USP12: variants seen among roughly 807,000 people sequenced by gnomAD.
USP12 encodes ubiquitin carboxyl-terminal hydrolase 12.
USP12 carries 19 observed loss-of-function variants against 45.5 expected under a neutral mutation model. The observed-to-expected ratio is 0.42, with a 90% CI of 0.29 to 0.61. The LOEUF is 0.61. Among genes scored for constraint, USP12 ranks in the 20% least tolerant of loss-of-function variants. USP12 has a pLI of 0.22. For synonymous variants in USP12, 149 were observed against 148.8 expected (o/e 1.00, Z -0.01); for missense variants, 242 against 447.7 (o/e 0.54, Z 4.15).
intron 1 of USP12, 32 bp downstream of exon 1, chr13:27,171,560 G>T: frequency 8.2e-7 from 1 of 1,223,228 alleles, no homozygotes; most frequent in Non-Finnish European, 1.1e-6. Flanking sequence ...AGAGGTCCCG[G>T]CAGCCCCGGC....
At chr13:27,080,870 A>G (rs1037296290) in intron 6 of USP12, among the ~76,000 whole-genome samples, 2 of 152,180 alleles carry the variant, frequency 1.3e-5, no homozygotes, top group Non-Finnish European at 2.9e-5. Context: ...TTAATTTAAA[A>G]ATAGTTTATT....
intron 4 of USP12, among the ~76,000 whole-genome samples, chr13:27,094,732 A>C (rs1874486561): frequency 6.6e-6 from 1 of 150,832 alleles, no homozygotes; most frequent in Non-Finnish European, 1.5e-5. Flanking sequence ...AAGGTGAGGG[A>C]GGCATATTCT....
chr13:27,120,318 G>T (rs60672263), intron 1 of USP12, among the ~76,000 whole-genome samples: 2,452 of 152,232 alleles, frequency 0.016, 27 homozygotes, highest in Middle Eastern at 0.034. Flanking sequence ...TGAAATCAGT[G>T]ATTCTTTACT....
intron 1 of USP12, among the ~76,000 whole-genome samples, chr13:27,122,467 A>C (rs1876038368): frequency 6.6e-6 from 1 of 151,396 alleles, no homozygotes; most frequent in Non-Finnish European, 1.5e-5. Context: ...GTGGAAACGG[A>C]CTAATACACC....
chr13:27,079,981 A>T (rs1873673839), intron 6 of USP12, among the ~76,000 whole-genome samples: 1 of 152,212 alleles, frequency 6.6e-6, no homozygotes, highest in Admixed American at 6.5e-5. Context: ...CACTAAGGTG[A>T]CTCAGTGAGA....
chr13:27,136,763 G>T (rs1366735208), intron 1 of USP12, among the ~76,000 whole-genome samples: 1 of 151,872 alleles, frequency 6.6e-6, no homozygotes. Context: ...GGAGCATTCA[G>T]TATAAAAAAA....
Position 27,121,973 on chromosome 13 carries a change from C to A in USP12, c.49-5377G>T, listed in dbSNP as rs57105623. Among the ~76,000 whole-genome samples, 775 of 152,216 alleles carry A rather than the reference C, an allele frequency of 5.1e-3. 4 individuals carry two copies. The highest frequency in any genetic ancestry group is 0.018 in the African/African-American group (746 of 41,520). On this transcript the variant is annotated intron_variant, in intron 1 of 8. Transcript: ENST00000282344. ...ATAAGAACAAAGATGAGACTCTAAG[C>A]AGACTTTTAAAAAGAACTAAATACA...
intron 1 of USP12, among the ~76,000 whole-genome samples, chr13:27,150,759 T>G (rs933621918): frequency 1.6e-4 from 24 of 152,252 alleles, no homozygotes; most frequent in African/African-American, 5.8e-4. Context: ...CTCATACATC[T>G]CTGATCAACT....
chr13:27,128,445 T>C (rs768098167), intron 1 of USP12, among the ~76,000 whole-genome samples: 1 of 152,104 alleles, frequency 6.6e-6, no homozygotes, highest in Non-Finnish European at 1.5e-5. Flanking sequence ...CAAAAAACTT[T>C]CAAAAAATTA....
Position 27,105,743 on chromosome 13 carries a change from G to T in USP12, c.331C>A (p.Arg111=). 1 of 1,613,064 alleles carries T rather than the reference G, an allele frequency of 6.2e-7. No homozygotes were observed. The highest frequency in any genetic ancestry group is 1.3e-5 in the African/African-American group (1 of 74,984). ...IPPKKFITRL[R]KENELFDNYM... is the part of the protein sequence containing the mutation. ...GAAGTAGAATTACCATTTTCTTTCC[G>T]TAATCTTGTGATGAACTTCTTAGGG... Residue 111 remains arginine (R), a synonymous_variant, in exon 3 of 9, where the codon CGG becomes AGG. Transcript: ENST00000282344.
intron 4 of USP12, among the ~76,000 whole-genome samples, chr13:27,092,418 T>C (rs917074625): frequency 3.3e-5 from 5 of 152,160 alleles, no homozygotes; most frequent in Admixed American, 2.6e-4. Context: ...CAACAAAATA[T>C]TGAAGAAGAA....
At chr13:27,101,752 C>G (rs1213241748) in intron 3 of USP12, among the ~76,000 whole-genome samples, 1 of 152,148 alleles carries the variant, frequency 6.6e-6, no homozygotes, top group African/African-American at 2.4e-5. Context: ...CATTTATGCT[C>G]TTTTGGAGAA....
chr13:27,088,416 CAAAAAAAAAAA>C lies in USP12; in HGVS notation c.734+1456_734+1466del, dbSNP rs11323861. 4.3e-3 allele frequency among the ~76,000 whole-genome samples: 398 copies of C among 93,640 alleles called. 7 individuals are homozygous for C. The highest frequency in any genetic ancestry group is 0.031 in the East Asian group (92 of 2,930). The allele number at this position is 93,640 out of a possible 152,430, so 61.4% of individuals were successfully genotyped here. ...TGGGCGACAGAGCGAGACTCCGTCT[CAAAAAAAAAAA>C]AAAAAAAAAAAATGGCGTGCTTGCA... On this transcript the variant is annotated intron_variant, in intron 6 of 8. Transcript: ENST00000282344.
At position 27,067,881 on chromosome 13, in the gene USP12, T is replaced by A. The variant is rs1454583949; in HGVS notation, c.*1402A>T. The A allele has an allele frequency of 6.6e-6, 1 of 152,120 alleles. No homozygotes were observed. Among genetic ancestry groups the A allele is most frequent in the African/African-American group, 2.4e-5 (1 of 41,434 alleles). 9.4% of individuals were successfully genotyped at this position (152,120 alleles called of 1,614,324 possible). On this transcript the variant is annotated 3_prime_UTR_variant, in exon 9 of 9. Transcript: ENST00000282344. ...CAACTTACTGATGCATGGAAAAACG[T>A]CCAAAAAAACTGCAATCGTTTACAT... is the stretch of plus-strand genomic sequence containing the variant.
chr13:27,152,017 G>C (rs982292712), intron 1 of USP12, among the ~76,000 whole-genome samples: 15 of 152,104 alleles, frequency 9.9e-5, no homozygotes, highest in African/African-American at 3.6e-4. Flanking sequence ...GTACCAATGG[G>C]GATGCAGAGA....
intron 1 of USP12, chr13:27,168,895 C>T (rs1398981604): frequency 1.3e-5 from 2 of 152,138 alleles, no homozygotes; most frequent in African/African-American, 4.8e-5. Flanking sequence ...CACTTCAGTA[C>T]TTATAGAATA....
chr13:27,085,443 A>AT (rs1873968480), intron 6 of USP12, among the ~76,000 whole-genome samples: 2 of 152,126 alleles, frequency 1.3e-5, no homozygotes, highest in Admixed American at 1.3e-4. Flanking sequence ...GGCCTCCCAA[A>AT]GTGCTGGGAT....
intron 1 of USP12, among the ~76,000 whole-genome samples, chr13:27,128,643 C>T (rs138910969): frequency 4.6e-5 from 7 of 152,288 alleles, no homozygotes; most frequent in East Asian, 1.9e-4. Context: ...GCTCTTTCTA[C>T]CATATTCTTG....
At chr13:27,076,029 C>CAAAAAAAAA (rs11458818) in intron 6 of USP12, among the ~76,000 whole-genome samples, 7 of 98,030 alleles carry the variant, frequency 7.1e-5, no homozygotes, top group African/African-American at 2.6e-4. Context: ...GGCTCCGTCT[C>CAAAAAAAAA]AAAAAAAAAA....
Sources: gnomAD v4.1 joint callset for allele counts (sites outside exome capture counted in the v4.1 genomes callset) on GRCh38, gnomAD v4.1.1 for gene constraint, MANE v1.5 for transcripts, NCBI Gene and HGNC (gene_info 2026-07-23, HGNC 2026-07-21) for gene names.